Variants in SPAG16 observed in about 807,000 individuals in gnomAD.
The protein encoded by SPAG16 is sperm associated antigen 16.
Under a neutral mutation model 80.4 loss-of-function variants are expected in SPAG16, and 86 were observed. That is an observed-to-expected ratio of 1.07 (90% confidence interval 0.90 to 1.28). SPAG16 has a LOEUF of 1.28. SPAG16 is among the 50% of genes most tolerant of loss of function. The pLI, the probability that SPAG16 is intolerant of heterozygous loss-of-function variation, is 0.00. For missense variants in SPAG16, 870 were observed against 765.3 expected (o/e 1.14, Z -1.61); for synonymous variants, 294 against 265.9 (o/e 1.11, Z -1.03).
intron 10 of SPAG16, among the ~76,000 whole-genome samples, chr2:213,672,478 C>T (rs1033432356): frequency 6.6e-6 from 1 of 151,966 alleles, no homozygotes; most frequent in African/African-American, 2.4e-5. Context: ...ACCTCTGGAA[C>T]TATATTTATT....
intron 11 of SPAG16, among the ~76,000 whole-genome samples, chr2:213,913,759 C>A (rs553708081): frequency 6.6e-6 from 1 of 151,960 alleles, no homozygotes; most frequent in Admixed American, 6.6e-5. Context: ...AGAGAGAGAA[C>A]AGACTCTCTT....
chr2:214,234,510 A>G (rs1688942495), intron 15 of SPAG16, among the ~76,000 whole-genome samples: 3 of 152,172 alleles, frequency 2.0e-5, no homozygotes, highest in African/African-American at 7.2e-5. Flanking sequence ...CACTAACAGC[A>G]TAAAAGAATC....
intron 9 of SPAG16, among the ~76,000 whole-genome samples, chr2:213,383,954 C>A (rs1021310559): frequency 2.6e-5 from 4 of 152,150 alleles, no homozygotes; most frequent in Non-Finnish European, 5.9e-5. Context: ...TGAGAAGACA[C>A]ATTTGCCGGA....
intron 6 of SPAG16, among the ~76,000 whole-genome samples, chr2:213,341,751 G>T (rs1168198310): frequency 6.6e-6 from 1 of 151,998 alleles, no homozygotes; most frequent in Admixed American, 6.6e-5. Context: ...TTGTTGATCA[G>T]GTTGGTTTTG....
intron 10 of SPAG16, among the ~76,000 whole-genome samples, chr2:213,551,057 CAG>C: frequency 6.6e-6 from 1 of 152,198 alleles, no homozygotes; most frequent in Non-Finnish European, 1.5e-5. Flanking sequence ...CCGTAATAGT[CAG>C]AGATTTGGAA....
chr2:213,685,971 A>G (rs2064645718), intron 10 of SPAG16, among the ~76,000 whole-genome samples: 1 of 152,238 alleles, frequency 6.6e-6, no homozygotes, highest in South Asian at 2.1e-4. Flanking sequence ...AATATAATGC[A>G]TGTTTAAAAA....
At chr2:213,309,935 A>G (rs72935193) in intron 3 of SPAG16, 124 bp from the exon 4 acceptor site, 147,679 of 604,728 alleles carry the variant, frequency 0.24, 21,161 homozygotes, top group Non-Finnish European at 0.31. Context: ...TTCCTGGCAT[A>G]TAACAGTCAA....
intron 15 of SPAG16, among the ~76,000 whole-genome samples, chr2:214,331,925 A>G (rs1696944452): frequency 6.6e-6 from 1 of 152,250 alleles, no homozygotes; most frequent in Non-Finnish European, 1.5e-5. Context: ...ATAAGAAGAA[A>G]GGCTACTTCT....
intron 15 of SPAG16, among the ~76,000 whole-genome samples, chr2:214,326,292 C>A (rs1252126877): frequency 6.6e-6 from 1 of 152,124 alleles, no homozygotes; most frequent in Non-Finnish European, 1.5e-5. Context: ...CAGCCAAAGC[C>A]AAGGAAGGCT....
intron 10 of SPAG16, among the ~76,000 whole-genome samples, chr2:213,642,517 G>C (rs1177128025): frequency 6.6e-6 from 1 of 152,028 alleles, no homozygotes; most frequent in Non-Finnish European, 1.5e-5. Flanking sequence ...GAGTCAGTGG[G>C]TTGGGAAAGG....
chr2:213,649,841 C>T (rs1267632390), intron 10 of SPAG16, among the ~76,000 whole-genome samples: 3 of 151,912 alleles, frequency 2.0e-5, no homozygotes, highest in Non-Finnish European at 2.9e-5. Context: ...CCACTGTGTC[C>T]GGAGCACAGC....
intron 15 of SPAG16, among the ~76,000 whole-genome samples, chr2:214,220,740 G>A (rs1352930205): frequency 6.6e-6 from 1 of 152,092 alleles, no homozygotes; most frequent in East Asian, 1.9e-4. Context: ...TATTTATAGG[G>A]ATCAATGGAT....
At chr2:214,073,122 A>C (rs2050878090) in intron 13 of SPAG16, among the ~76,000 whole-genome samples, 1 of 152,204 alleles carries the variant, frequency 6.6e-6, no homozygotes, top group Admixed American at 6.5e-5. Flanking sequence ...AATATAAAGT[A>C]AGATAACACT....
At chr2:213,943,403 A>G (rs543960404) in intron 12 of SPAG16, among the ~76,000 whole-genome samples, 15 of 152,286 alleles carry the variant, frequency 9.8e-5, no homozygotes, top group African/African-American at 3.4e-4. Flanking sequence ...ATTAGAGAAT[A>G]TATAAGTGAT....
chr2:214,255,522 A>G (rs1690615862), intron 15 of SPAG16, among the ~76,000 whole-genome samples: 1 of 151,998 alleles, frequency 6.6e-6, no homozygotes, highest in Non-Finnish European at 1.5e-5. Flanking sequence ...GCAGGTATCA[A>G]TACAGTTACT....
intron 15 of SPAG16, among the ~76,000 whole-genome samples, chr2:214,350,783 T>C (rs1289973649): frequency 6.6e-6 from 1 of 152,090 alleles, no homozygotes; most frequent in Non-Finnish European, 1.5e-5. Context: ...GAGAAGGTTG[T>C]TGACAGCTAG....
chr2:213,406,663 G>A (rs2068620985), intron 9 of SPAG16, among the ~76,000 whole-genome samples: 2 of 152,144 alleles, frequency 1.3e-5, no homozygotes, highest in Admixed American at 1.3e-4. Context: ...GCTCACCATT[G>A]TTCCATCTGT....
chr2:213,884,321 C>G (rs907665023), intron 11 of SPAG16, among the ~76,000 whole-genome samples: 34 of 152,234 alleles, frequency 2.2e-4, no homozygotes, highest in African/African-American at 7.7e-4. Context: ...TTTAAGGATG[C>G]TAAAAATTGT....
At chr2:213,571,825 C>T in intron 10 of SPAG16, among the ~76,000 whole-genome samples, 6 of 111,244 alleles carry the variant, frequency 5.4e-5, no homozygotes, top group African/African-American at 9.2e-5. Flanking sequence ...TAATATCCTG[C>T]AGAGTGTTTT....
Sources: gnomAD v4.1 joint callset for allele counts (sites outside exome capture counted in the v4.1 genomes callset) on GRCh38, gnomAD v4.1.1 for gene constraint, MANE v1.5 for transcripts, NCBI Gene and HGNC (gene_info 2026-07-23, HGNC 2026-07-21) for gene names.